The following SLC4A7 variants were observed in gnomAD, a reference collection of about 807,000 sequenced individuals.
SLC4A7 encodes sodium bicarbonate cotransporter 3.
In SLC4A7, 51 loss-of-function variants were observed where a neutral mutation model predicts 137.6. The observed-to-expected ratio is 0.37, with a 90% confidence interval of 0.30 to 0.47. SLC4A7 has a LOEUF of 0.47. Ranked by LOEUF, SLC4A7 falls within the 20% of genes least tolerant of loss-of-function variation. The pLI, the probability that SLC4A7 is intolerant of heterozygous loss-of-function variation, is 1.00. For missense variants in SLC4A7, 1,247 were observed against 1,525.4 expected (o/e 0.82, Z 3.04); for synonymous variants, 542 against 518.6 (o/e 1.05, Z -0.61).
At chr3:27,384,839 T>C (rs1295041739) in intron 23 of SLC4A7, among the ~76,000 whole-genome samples, 2 of 151,898 alleles carry the variant, frequency 1.3e-5, no homozygotes, top group African/African-American at 2.4e-5. Context: ...GGCGGGTGCC[T>C]GTAATCCCAG....
At position 27,379,329 on chromosome 3, in the gene SLC4A7, T is replaced by C; in HGVS notation, c.3618A>G (p.Ser1206=). Residue 1206 remains serine, a synonymous_variant, in exon 25 of 26, where the codon TCA becomes TCG. Coordinates refer to ENST00000454389, the MANE Select transcript of SLC4A7 (RefSeq NM_001321103.2). The part of the protein sequence containing the change: ...YSVDPSIVNI[S]DEMAKTAQWK... ...ACTGTGCAGTTTTGGCCATTTCATCTGATATGTTAACAATTGAGGGATCAA... is the reference window on the plus strand; with the variant it reads ...ACTGTGCAGTTTTGGCCATTTCATCCGATATGTTAACAATTGAGGGATCAA... The C allele has an allele frequency of 6.5e-7, 1 of 1,534,568 alleles. No homozygotes were observed. The highest frequency in any genetic ancestry group is 1.4e-5 in the African/African-American group (1 of 73,142).
Position 27,389,558 on chromosome 3 carries a change from A to G in SLC4A7, c.3360+373T>C, listed in dbSNP as rs555192610. Among the ~76,000 whole-genome samples, 43 of 152,170 alleles carry G rather than the reference A, an allele frequency of 2.8e-4. No individual in the cohort carries two copies. In the South Asian group the frequency reaches 7.1e-3, roughly 25 times the overall value. On this transcript the variant is annotated intron_variant, in intron 22 of 25. Coordinates refer to ENST00000454389, the MANE Select transcript of SLC4A7 (RefSeq NM_001321103.2). ...TAGCCTTCATTACTTTTTAACTTCC[A>G]CATCTGTCAATTTCTGAAAAAGATA...
chr3:27,445,862 G>A (rs2057554632), intron 3 of SLC4A7, among the ~76,000 whole-genome samples: 1 of 142,934 alleles, frequency 7.0e-6, no homozygotes, highest in South Asian at 2.2e-4. Flanking sequence ...AACCTGGGAG[G>A]CAGAGGTTGC....
intron 21 of SLC4A7, among the ~76,000 whole-genome samples, chr3:27,390,613 C>G (rs531759847): frequency 1.2e-4 from 18 of 152,204 alleles, no homozygotes; most frequent in Middle Eastern, 3.4e-3. Context: ...ATAAGATCAG[C>G]CCTAATCATC....
chr3:27,410,325 G>A (rs2053782136), intron 12 of SLC4A7, among the ~76,000 whole-genome samples: 1 of 152,028 alleles, frequency 6.6e-6, no homozygotes, highest in Non-Finnish European at 1.5e-5. Flanking sequence ...CACTACCTGG[G>A]AAATAGTAGG....
intron 1 of SLC4A7, among the ~76,000 whole-genome samples, chr3:27,466,721 C>T (rs1157427961): frequency 1.3e-5 from 2 of 151,860 alleles, no homozygotes; most frequent in African/African-American, 4.8e-5. Flanking sequence ...GCCCCGCGTG[C>T]TGGTGCGCGC....
chr3:27,403,418 A>T (rs766790412), intron 14 of SLC4A7, 34 bp from the exon 15 acceptor site: 5 of 1,466,990 alleles, frequency 3.4e-6, no homozygotes, highest in African/African-American at 2.8e-5. Context: ...TATGATAAAC[A>T]TATGTGGAAT....
chr3:27,395,482 C>T (rs2052055344), intron 18 of SLC4A7, among the ~76,000 whole-genome samples: 1 of 152,126 alleles, frequency 6.6e-6, no homozygotes, highest in African/African-American at 2.4e-5. Context: ...TGCTTTGAAC[C>T]CTGAGATTAT....
rs924690518 is a variant in SLC4A7, at chr3:27,436,615, T to G, written c.429-67A>C. 3.2e-6 allele frequency: 3 copies of G among 952,078 alleles called. No homozygotes were observed. The African/African-American group carries it at 5.1e-5, about 16-fold the overall frequency. 59.0% of individuals were successfully genotyped at this position (952,078 alleles called of 1,614,324 possible). A position where few individuals can be genotyped will look rare whatever the true frequency, so the allele number is the denominator to read the frequency against. On this transcript the variant is annotated intron_variant, in intron 4 of 25. Coordinates refer to ENST00000454389, the MANE Select transcript of SLC4A7 (RefSeq NM_001321103.2). Reference sequence around the variant, plus strand: ...ATTCCATTTGTTTATCTTAATGTGATAAAGAAACATTTGTTCTTTAAAGAA... The same window carrying G: ...ATTCCATTTGTTTATCTTAATGTGAGAAAGAAACATTTGTTCTTTAAAGAA...
intron 3 of SLC4A7, among the ~76,000 whole-genome samples, chr3:27,441,341 A>C (rs1312191728): frequency 6.6e-6 from 1 of 152,188 alleles, no homozygotes; most frequent in East Asian, 1.9e-4. Context: ...AACAAAATTG[A>C]GAAGTGTTCC....
intron 1 of SLC4A7, among the ~76,000 whole-genome samples, chr3:27,472,761 C>G (rs1398414984): frequency 2.0e-5 from 3 of 152,066 alleles, no homozygotes; most frequent in Non-Finnish European, 4.4e-5. Flanking sequence ...TGTATCTTAC[C>G]TCTATCAAAA....
At chr3:27,390,983 C>T (rs565726625) in intron 21 of SLC4A7, among the ~76,000 whole-genome samples, 3 of 152,056 alleles carry the variant, frequency 2.0e-5, no homozygotes, top group Non-Finnish European at 2.9e-5. Context: ...ACACCACAGC[C>T]GGCTAATTTT....
At position 27,379,316 on chromosome 3, in the gene SLC4A7, T is replaced by C. The variant is rs2050190916; in HGVS notation, c.3631A>G (p.Lys1211Glu). 2.0e-6 allele frequency: 3 copies of C among 1,535,948 alleles called. No individual in the cohort carries two copies. Among genetic ancestry groups the C allele is most frequent in the Non-Finnish European group, 2.6e-6 (3 of 1,146,506 alleles). Residue 1211 changes from lysine (K) to glutamate (E), a missense_variant, in exon 25 of 26, where the codon AAA becomes GAA. Around this residue, in one of 6 missense-constraint regions of SLC4A7, gnomAD observed 290 missense variants for 323.8 expected, o/e 0.90. Transcript: ENST00000454389. ...GAAAGTGCCTTCCACTGTGCAGTTT[T>C]GGCCATTTCATCTGATATGTTAACA... ...SIVNISDEMAKTAQWKALSMN... is the reference protein window; with the variant it reads ...SIVNISDEMAETAQWKALSMN...
intron 23 of SLC4A7, among the ~76,000 whole-genome samples, chr3:27,385,570 T>C (rs1456872533): frequency 6.6e-6 from 1 of 152,198 alleles, no homozygotes; most frequent in African/African-American, 2.4e-5. Flanking sequence ...TATTTTAATA[T>C]TGCTAAAACT....
chr3:27,392,965 G>T (rs975000283), intron 20 of SLC4A7, among the ~76,000 whole-genome samples: 2 of 152,062 alleles, frequency 1.3e-5, no homozygotes, highest in East Asian at 1.9e-4. Context: ...ATAATGATAT[G>T]AAAAAAGGAG....
intron 3 of SLC4A7, among the ~76,000 whole-genome samples, chr3:27,438,373 T>C (rs1379398050): frequency 6.6e-6 from 1 of 151,474 alleles, no homozygotes; most frequent in Non-Finnish European, 1.5e-5. Flanking sequence ...GGCATGGTGG[T>C]GGACACCTGT....
chr3:27,385,900 CTT>C lies in SLC4A7; in HGVS notation c.3482_3483del (p.Lys1161ArgfsTer6). The C allele has an allele frequency of 6.4e-7, 1 of 1,550,418 alleles. No individual in the cohort carries two copies. The highest frequency in any genetic ancestry group is 1.1e-5 in the South Asian group (1 of 87,130). On this transcript the variant is annotated frameshift_variant, in exon 23 of 26. Coordinates refer to ENST00000454389, the MANE Select transcript of SLC4A7 (RefSeq NM_001321103.2). LOFTEE classifies it high-confidence loss of function. ...KKKKEDDKKK[K>X]EKEEAERMLQ... ...AATTGTTATCTTTTTACCTCTTTCT[CTT>C]TTTTCTTTTTGTCATCTTCTTTCTT... is the stretch of plus-strand genomic sequence containing the variant.
intron 1 of SLC4A7, among the ~76,000 whole-genome samples, chr3:27,481,226 T>C (rs1457630016): frequency 1.3e-5 from 2 of 151,236 alleles, no homozygotes; most frequent in Non-Finnish European, 2.9e-5. Context: ...TATGAGGCTT[T>C]ATAGCAAAAG....
At chr3:27,466,704 A>T (rs1431010562) in intron 1 of SLC4A7, among the ~76,000 whole-genome samples, 1 of 151,828 alleles carries the variant, frequency 6.6e-6, no homozygotes, top group Non-Finnish European at 1.5e-5. Context: ...AAAAAATACC[A>T]AAATTAGCCC....
Sources: allele counts gnomAD v4.1 joint callset (sites outside exome capture counted in the v4.1 genomes callset), GRCh38; gene constraint gnomAD v4.1.1; regional missense constraint gnomAD v4.1.1; transcripts MANE v1.5; gene names NCBI Gene and HGNC (gene_info 2026-07-23, HGNC 2026-07-21).